Variants in ASS1 observed in about 807,000 individuals in gnomAD.
ASS1 encodes argininosuccinate synthase 1.
A neutral mutation model predicts 60.5 loss-of-function variants in ASS1; 58 were observed. That is an observed-to-expected ratio of 0.96 (90% CI 0.78 to 1.19). ASS1 has a LOEUF of 1.19. ASS1 is among the 50% of genes most tolerant of loss of function. The probability of loss-of-function intolerance (pLI) is 0.00; values close to 1 mark genes in which losing one functional copy is unlikely to be tolerated. For synonymous variants in ASS1, 200 were observed against 206.9 expected, an observed-to-expected ratio of 0.97 and a Z score of 0.29; for missense variants, 454 against 547.3, an observed-to-expected ratio of 0.83 and a Z score of 1.70.
At chr9:130,467,574 C>T (rs553876050) in intron 6 of ASS1, among the ~76,000 whole-genome samples, 49 of 152,172 alleles carry the variant, frequency 3.2e-4, no homozygotes, top group African/African-American at 1.1e-3. Flanking sequence ...GCCCTGCCCC[C>T]GCCGCCAGCA....
chr9:130,485,983 A>ATGTTT (rs1353192116), intron 11 of ASS1, among the ~76,000 whole-genome samples: 5 of 151,860 alleles, frequency 3.3e-5, no homozygotes, highest in African/African-American at 1.2e-4. Flanking sequence ...TGCGGTCATC[A>ATGTTT]TGTTTTGTTT....
chr9:130,476,822 G>A lies in ASS1; in HGVS notation c.598-49G>A. ...CCCCGCGGGAGGTGGGCTGTAGGGTGTCCAGGGACTGGTATGTCATCTGCC... is the reference window on the plus strand; with the variant it reads ...CCCCGCGGGAGGTGGGCTGTAGGGTATCCAGGGACTGGTATGTCATCTGCC... On this transcript the variant is annotated intron_variant, in intron 8 of 14. Coordinates refer to ENST00000352480, the MANE Select transcript of ASS1 (RefSeq NM_054012.4). The surrounding 1 kb of genome is among the most constrained non-coding windows in gnomAD (Gnocchi z 4.9). The A allele has an allele frequency of 6.5e-7, 1 of 1,539,150 alleles. No individual in the cohort carries two copies. The highest frequency in any genetic ancestry group is 1.1e-5 in the South Asian group (1 of 89,536).
At chr9:130,466,266 C>T (rs1845740172) in intron 5 of ASS1, among the ~76,000 whole-genome samples, 1 of 152,178 alleles carries the variant, frequency 6.6e-6, no homozygotes, top group Admixed American at 6.5e-5. Flanking sequence ...TCTTTCCCTT[C>T]CACACCCAGA....
intron 11 of ASS1, among the ~76,000 whole-genome samples, chr9:130,484,296 A>T (rs981781507): frequency 6.6e-6 from 1 of 152,122 alleles, no homozygotes; most frequent in Non-Finnish European, 1.5e-5. Flanking sequence ...TCAATTCTGC[A>T]AAATTGCTCA....
chr9:130,454,298 T>C lies in ASS1; in HGVS notation c.106-7T>C. The C allele has an allele frequency of 1.2e-6, 2 of 1,610,230 alleles. No homozygotes were observed. The highest frequency in any genetic ancestry group is 1.7e-6 in the Non-Finnish European group (2 of 1,178,784). Reference sequence around the variant, plus strand: ...GCTGACGGAGCCTCTCCGCTTCTGCTTCTCAGGCCAACATTGGCCAGAAGG... The same window carrying C: ...GCTGACGGAGCCTCTCCGCTTCTGCCTCTCAGGCCAACATTGGCCAGAAGG... On this transcript the variant is annotated splice_polypyrimidine_tract_variant and splice_region_variant and intron_variant, in intron 2 of 14. Transcript: ENST00000352480.
intron 13 of ASS1, 83 bp from the exon 14 acceptor site, chr9:130,499,422 G>A: frequency 3.5e-6 from 5 of 1,415,648 alleles, no homozygotes; most frequent in Middle Eastern, 4.5e-4. Context: ...CTGGGAGGTG[G>A]GGCTGCTTCT....
In ASS1 at chr9:130,470,256, C is replaced by T. The variant is rs552679756; in HGVS notation, c.496-578C>T. ...TTAGGAAGCGAAACAGAGCCAGAGC[C>T]GAGTGCCTTGGAGACGGGATCTGCT... On this transcript the variant is annotated intron_variant, in intron 6 of 14. Coordinates refer to ENST00000352480, the MANE Select transcript of ASS1 (RefSeq NM_054012.4). This position sits in a 1 kb window ranked among gnomAD's most constrained non-coding sequence, Gnocchi z 4.3. Among the ~76,000 whole-genome samples the T allele has an allele frequency of 1.6e-4, 24 of 152,292 alleles. No individual in the cohort carries two copies. Among genetic ancestry groups the T allele is most frequent in the African/African-American group, 5.5e-4 (23 of 41,560 alleles).
intron 6 of ASS1, among the ~76,000 whole-genome samples, chr9:130,469,682 A>G (rs185811600): frequency 6.6e-6 from 1 of 152,312 alleles, no homozygotes; most frequent in East Asian, 1.9e-4. Flanking sequence ...AGGCTGTTTT[A>G]AAATGAGTCT....
At chr9:130,447,429 G>T (rs539088443) in intron 1 of ASS1, among the ~76,000 whole-genome samples, 13 of 152,368 alleles carry the variant, frequency 8.5e-5, no homozygotes, top group African/African-American at 2.6e-4. Context: ...CAAGTAGCAC[G>T]AGTTTTCCTT....
At chr9:130,479,183 G>A (rs1003758988) in intron 9 of ASS1, among the ~76,000 whole-genome samples, 4 of 152,050 alleles carry the variant, frequency 2.6e-5, no homozygotes, top group Admixed American at 2.6e-4. Flanking sequence ...TCGCCTGCTG[G>A]AGCGGGCACC....
intron 6 of ASS1, among the ~76,000 whole-genome samples, chr9:130,469,468 T>A (rs536810146): frequency 1.3e-5 from 2 of 152,144 alleles, no homozygotes; most frequent in Admixed American, 1.3e-4. Context: ...TGGGGTGCAA[T>A]GGCACTATCT....
intron 14 of ASS1, 64 bp downstream of exon 14, chr9:130,499,634 G>C (rs1255471691): frequency 1.2e-5 from 18 of 1,506,830 alleles, no homozygotes; most frequent in South Asian, 2.3e-5. Context: ...GGCTTTGAGA[G>C]CCCCCAGGTG....
intron 13 of ASS1, among the ~76,000 whole-genome samples, chr9:130,498,832 G>C (rs922285064): frequency 6.6e-6 from 1 of 152,178 alleles, no homozygotes. Flanking sequence ...GCTAAGGGTG[G>C]AGAGCCCCAA....
At chr9:130,464,061 C>A (rs1383773954) in intron 4 of ASS1, 50 bp from the exon 5 acceptor site, 2 of 1,607,068 alleles carry the variant, frequency 1.2e-6, no homozygotes, top group African/African-American at 1.3e-5. Flanking sequence ...CCCCCAGACT[C>A]CAGAACCCCC....
In ASS1 at chr9:130,477,054, C is replaced by T. The variant is rs969162073; in HGVS notation, c.688+93C>T. On this transcript the variant is annotated intron_variant, in intron 9 of 14. Transcript: ENST00000352480. The surrounding 1 kb of genome is among the most constrained non-coding windows in gnomAD (Gnocchi z 4.2). ...GCCTGGGAACCTAGGCCCTCTTTAC[C>T]CCCGCCCTGCATTCCTGGAAGCTAG... 10 of 1,311,748 alleles carry T rather than the reference C, an allele frequency of 7.6e-6. No individual in the cohort carries two copies. In the Admixed American group the frequency reaches 1.4e-4, roughly 19 times the overall value. The allele number at this position is 1,311,748 out of a possible 1,614,324, so 81.3% of individuals were successfully genotyped here.
intron 12 of ASS1, among the ~76,000 whole-genome samples, chr9:130,490,589 C>CA (rs1846426098): frequency 6.6e-6 from 1 of 152,170 alleles, no homozygotes; most frequent in Non-Finnish European, 1.5e-5. Flanking sequence ...GCTAGGATTA[C>CA]AGGCATGAGC....
At chr9:130,475,568 A>T (rs1845992509) in intron 8 of ASS1, among the ~76,000 whole-genome samples, 1 of 152,074 alleles carries the variant, frequency 6.6e-6, no homozygotes, top group East Asian at 1.9e-4. Context: ...CCAGGGAACA[A>T]GTCCCACGTG....
At chr9:130,498,259 G>A (rs540942096) in intron 13 of ASS1, among the ~76,000 whole-genome samples, 9 of 152,236 alleles carry the variant, frequency 5.9e-5, no homozygotes, top group Non-Finnish European at 7.4e-5. Flanking sequence ...ACCGACCCCC[G>A]CTACCCCTAC....
chr9:130,489,256 T>G lies in ASS1; in HGVS notation c.839-77T>G, dbSNP rs45599031. 0.058 allele frequency: 90,106 copies of G among 1,559,922 alleles called. 2,338 individuals carry two copies. Among genetic ancestry groups the G allele is most frequent in the Admixed American group, 0.087 (4,984 of 57,380 alleles). On this transcript the variant is annotated intron_variant, in intron 11 of 14. Coordinates refer to ENST00000352480, the MANE Select transcript of ASS1 (RefSeq NM_054012.4). The surrounding 1 kb of genome is among the most constrained non-coding windows in gnomAD (Gnocchi z 4.1). ...TCATTATTATTATTATTTTTTTTTT[T>G]GTCATTTGCTGACAGTTTGGGTTTC...
Sources: gnomAD v4.1 joint callset for allele counts (sites outside exome capture counted in the v4.1 genomes callset) on GRCh38, gnomAD v4.1.1 for gene constraint, Gnocchi (gnomAD v3.1) non-coding constraint, MANE v1.5 for transcripts, NCBI Gene and HGNC (gene_info 2026-07-23, HGNC 2026-07-21) for gene names.